The following IFNAR2 variants were observed in gnomAD, a reference collection of about 807,000 sequenced individuals.
The protein encoded by IFNAR2 is interferon alpha and beta receptor subunit 2.
In IFNAR2, 30 loss-of-function variants were observed where a neutral mutation model predicts 49.4. The observed-to-expected ratio is 0.61, with a 90% CI of 0.45 to 0.82. The LOEUF (loss-of-function observed/expected upper bound fraction) is 0.82. IFNAR2 is among the 40% of genes least tolerant of loss of function. The probability of loss-of-function intolerance (pLI) is 0.00; values close to 1 mark genes in which losing one functional copy is unlikely to be tolerated. For missense variants in IFNAR2, 600 were observed against 622.7 expected (o/e 0.96, Z 0.39); for synonymous variants, 224 against 234.5 (o/e 0.96, Z 0.41).
At chr21:33,256,134 G>A (rs979807826) in intron 7 of IFNAR2, among the ~76,000 whole-genome samples, 13 of 152,178 alleles carry the variant, frequency 8.5e-5, no homozygotes, top group African/African-American at 3.1e-4. Flanking sequence ...CTGATGAGAA[G>A]GCACAAGCTC....
intron 2 of IFNAR2, 45 bp downstream of exon 2, chr21:33,242,022 A>G (rs2123468147): frequency 6.3e-7 from 1 of 1,587,176 alleles, no homozygotes; most frequent in East Asian, 2.3e-5. Flanking sequence ...GCAAGCTGTG[A>G]TGCCATCCTC....
chr21:33,259,687 C>T (rs996809251), intron 7 of IFNAR2, among the ~76,000 whole-genome samples: 11 of 152,190 alleles, frequency 7.2e-5, no homozygotes, highest in African/African-American at 2.4e-4. Flanking sequence ...ATCCTAAAGG[C>T]GTGCCTCTGT....
rs771909803 is a variant in IFNAR2, at chr21:33,244,926, A to G, written c.98-25A>G. The G allele has an allele frequency of 6.2e-6, 10 of 1,612,060 alleles. No individual in the cohort carries two copies. In the South Asian group the frequency reaches 6.6e-5, roughly 11 times the overall value. ...ATACAACTGTGGGTTCCAAATTTCA[A>G]TGCCCTTTTTCTTCTTCTCTTTAGA... On this transcript the variant is annotated intron_variant, in intron 3 of 8. Transcript: ENST00000342136.
chr21:33,243,683 C>T lies in IFNAR2; in HGVS notation c.66C>T (p.Ser22=), dbSNP rs769867496. Residue 22 remains serine, a synonymous_variant, in exon 3 of 9, where the codon AGC becomes AGT. Transcript: ENST00000342136. ...TTTTCTTCCTTCTAGTGTATATCAG[C>T]CTCGTGTTTGGTATTTCATATGATT... is the stretch of plus-strand genomic sequence containing the variant. ...SLNLVLMVYI[S]LVFGISYDSP... The T allele has an allele frequency of 6.2e-7, 1 of 1,613,264 alleles. No homozygotes were observed. The highest frequency in any genetic ancestry group is 8.5e-7 in the Non-Finnish European group (1 of 1,179,316).
At chr21:33,235,775 A>G (rs1313144247) in intron 1 of IFNAR2, among the ~76,000 whole-genome samples, 1 of 151,854 alleles carries the variant, frequency 6.6e-6, no homozygotes, top group African/African-American at 2.4e-5. Flanking sequence ...AAATACAAAA[A>G]ATTAGCTGGG....
Position 33,262,807 on chromosome 21 carries a change from T to G in IFNAR2, c.855T>G (p.Phe285Leu). 3 of 1,597,714 alleles carry G rather than the reference T, an allele frequency of 1.9e-6. No individual in the cohort carries two copies. The highest frequency in any genetic ancestry group is 2.6e-6 in the Non-Finnish European group (3 of 1,174,172). Residue 285 changes from phenylalanine (F) to leucine (L), a missense_variant, in exon 9 of 9, where the codon TTT becomes TTG. Transcript: ENST00000342136. ...TTTTTTTTAAGAATTTTCATAACTT[T>G]TTAGCCTGGCCATTTCCTAACCTGC... is the stretch of plus-strand genomic sequence containing the variant. ...SLPKVLNFHN[F>L]LAWPFPNLPP...
chr21:33,259,906 CTCTA>C (rs1988451309), intron 7 of IFNAR2, among the ~76,000 whole-genome samples: 1 of 152,164 alleles, frequency 6.6e-6, no homozygotes, highest in Non-Finnish European at 1.5e-5. Flanking sequence ...TTTTTCTCCC[CTCTA>C]TCTATTTTTG....
chr21:33,232,865 C>A, intron 1 of IFNAR2: 1 of 350,246 alleles, frequency 2.9e-6, no homozygotes, highest in Non-Finnish European at 4.0e-6. Context: ...AGGTTTCACT[C>A]TGCCATATCA....
Position 33,265,659 on chromosome 21 carries a change from T to C in IFNAR2, c.*2159T>C, listed in dbSNP as rs1378697685. ...AAGTAACACAACAGTACTTTTTTAA[T>C]ACAAACTTGGTGTGGTCTTGAGTTG... On this transcript the variant is annotated 3_prime_UTR_variant, in exon 9 of 9. Coordinates refer to ENST00000342136, the MANE Select transcript of IFNAR2 (RefSeq NM_001289125.3). The C allele has an allele frequency of 8.8e-6, 2 of 227,966 alleles. No homozygotes were observed. The highest frequency in any genetic ancestry group is 4.7e-5 in the African/African-American group (2 of 42,236). The allele number at this position is 227,966 out of a possible 1,614,324, so 14.1% of individuals were successfully genotyped here.
At chr21:33,252,929 A>G (rs897287296) in intron 7 of IFNAR2, 99 bp downstream of exon 7, 16 of 986,486 alleles carry the variant, frequency 1.6e-5, no homozygotes, top group Admixed American at 3.4e-5. Flanking sequence ...TTCATGGAGC[A>G]CTAAAGGTCT....
At chr21:33,234,159 C>G (rs905366325) in intron 1 of IFNAR2, among the ~76,000 whole-genome samples, 4 of 148,448 alleles carry the variant, frequency 2.7e-5, no homozygotes, top group Non-Finnish European at 5.9e-5. Flanking sequence ...TTAGTCTTTT[C>G]CCAAGTAACA....
chr21:33,239,642 G>A (rs920135460), intron 1 of IFNAR2, among the ~76,000 whole-genome samples: 1 of 148,382 alleles, frequency 6.7e-6, no homozygotes, highest in African/African-American at 2.5e-5. Context: ...TCAATGTTGT[G>A]AGCTACAGCT....
At chr21:33,237,469 AGGTT>A (rs1986569450) in intron 1 of IFNAR2, among the ~76,000 whole-genome samples, 1 of 151,964 alleles carries the variant, frequency 6.6e-6, no homozygotes, top group African/African-American at 2.4e-5. Context: ...CAGGAGGCAG[AGGTT>A]GCAGTGAGCC....
At chr21:33,259,158 C>G (rs1348717816) in intron 7 of IFNAR2, among the ~76,000 whole-genome samples, 1 of 151,988 alleles carries the variant, frequency 6.6e-6, no homozygotes, top group Non-Finnish European at 1.5e-5. Flanking sequence ...CACAGTGAAT[C>G]CAGAGACAGA....
At chr21:33,248,359 GAGAA>G (rs1403498489) in intron 5 of IFNAR2, among the ~76,000 whole-genome samples, 117 of 110,026 alleles carry the variant, frequency 1.1e-3, no homozygotes, top group Non-Finnish European at 1.6e-3. Context: ...AAAAGAAAGA[GAGAA>G]AGAAAGAAAG....
intron 1 of IFNAR2, among the ~76,000 whole-genome samples, chr21:33,239,152 G>GAC (rs904876134): frequency 5.9e-5 from 9 of 152,068 alleles, no homozygotes; most frequent in Non-Finnish European, 5.9e-5. Context: ...TGCTTCTTCA[G>GAC]ACCCACCCTC....
chr21:33,260,697 A>G lies in IFNAR2; in HGVS notation c.810A>G (p.Ile270Met), dbSNP rs1341185177. 1 of 1,558,756 alleles carries G rather than the reference A, an allele frequency of 6.4e-7. No homozygotes were observed. Among genetic ancestry groups the G allele is most frequent in the Non-Finnish European group, 8.6e-7 (1 of 1,157,644 alleles). The change falls in exon 8 of 9, where the codon ATA becomes ATG. Residue 270 changes from isoleucine to methionine, a missense_variant. Coordinates refer to ENST00000342136, the MANE Select transcript of IFNAR2 (RefSeq NM_001289125.3). ...TGACACTGAAATGGATTGGTTATATATGCTTAAGAAATAGCCTCCCCAAAG... is the reference window on the plus strand; with the variant it reads ...TGACACTGAAATGGATTGGTTATATGTGCTTAAGAAATAGCCTCCCCAAAG... ...TIVTLKWIGY[I>M]CLRNSLPKVL... is the part of the protein sequence containing the mutation.
chr21:33,237,366 T>TAAA (rs568929282), intron 1 of IFNAR2, among the ~76,000 whole-genome samples: 1 of 146,460 alleles, frequency 6.8e-6, no homozygotes, highest in African/African-American at 2.5e-5. Context: ...GCCCCATCTC[T>TAAA]AAAAAAAAAA....
At chr21:33,234,973 T>G (rs192205537) in intron 1 of IFNAR2, among the ~76,000 whole-genome samples, 22 of 152,376 alleles carry the variant, frequency 1.4e-4, no homozygotes, top group African/African-American at 5.3e-4. Context: ...GGATTATTCA[T>G]AAGTTGTCTG....
Sources: gnomAD v4.1 joint callset for allele counts (sites outside exome capture counted in the v4.1 genomes callset) on GRCh38, gnomAD v4.1.1 for gene constraint, MANE v1.5 for transcripts, NCBI Gene and HGNC (gene_info 2026-07-23, HGNC 2026-07-21) for gene names.